The following SNTG1 variants were observed in gnomAD, a reference collection of about 807,000 sequenced individuals.
SNTG1 encodes gamma-1-syntrophin.
In SNTG1, 39 loss-of-function variants were observed where a neutral mutation model predicts 74.7. The ratio of observed to expected loss-of-function variants is 0.52; its 90% CI spans 0.40 to 0.68. SNTG1 has a LOEUF of 0.68. SNTG1 is among the 30% of genes least tolerant of loss of function. The pLI is 0.00. For missense variants in SNTG1, 685 were observed against 609.5 expected (o/e 1.12, Z -1.30); for synonymous variants, 254 against 217.1 (o/e 1.17, Z -1.49).
In SNTG1 at chr8:50,132,974, G is replaced by C. The variant is rs555276050; in HGVS notation, c.-102-39587G>C. Among the ~76,000 whole-genome samples the C allele has an allele frequency of 9.2e-5, 14 of 152,262 alleles. 1 individual carries two copies. The South Asian group carries it at 2.9e-3, about 32-fold the overall frequency. On this transcript the variant is annotated intron_variant, in intron 1 of 18. Coordinates refer to ENST00000642720, the MANE Select transcript of SNTG1 (RefSeq NM_018967.5). ...CCTGTCCAGTTTCATCCTTGACACC[G>C]TCTCCAGGACATAGTATCTTAGTAC... is the stretch of plus-strand genomic sequence containing the variant.
chr8:49,938,671 C>T (rs949748297), intron 1 of SNTG1, among the ~76,000 whole-genome samples: 1 of 138,744 alleles, frequency 7.2e-6, no homozygotes, highest in African/African-American at 2.7e-5. Context: ...TTCCTTCCTT[C>T]CTTCCTTCCC....
intron 1 of SNTG1, among the ~76,000 whole-genome samples, chr8:50,053,617 A>C (rs1819763812): frequency 1.4e-5 from 1 of 70,830 alleles, no homozygotes; most frequent in Non-Finnish European, 2.6e-5. Flanking sequence ...ATATAAATAT[A>C]TATAATTGTG....
At chr8:50,382,067 T>C (rs1459529334) in intron 2 of SNTG1, 1 of 151,700 alleles carries the variant, frequency 6.6e-6, no homozygotes. Flanking sequence ...CTCCTTTTTA[T>C]ATTCTAGCCA....
intron 1 of SNTG1, among the ~76,000 whole-genome samples, chr8:50,088,043 G>A (rs1285996183): frequency 6.1e-5 from 9 of 146,798 alleles, no homozygotes. Context: ...TTGGTTTTTT[G>A]TTCTTGTGAT....
intron 1 of SNTG1, among the ~76,000 whole-genome samples, chr8:49,998,067 C>CA (rs1814399058): frequency 6.6e-6 from 1 of 152,148 alleles, no homozygotes. Flanking sequence ...GCTACAAACC[C>CA]ATACAGCATG....
At chr8:50,047,235 A>C (rs1819168337) in intron 1 of SNTG1, among the ~76,000 whole-genome samples, 1 of 151,918 alleles carries the variant, frequency 6.6e-6, no homozygotes, top group African/African-American at 2.4e-5. Context: ...GCTGCTTGGG[A>C]GGCTGAGGTG....
intron 13 of SNTG1, among the ~76,000 whole-genome samples, chr8:50,647,723 A>T (rs2095119028): frequency 6.6e-6 from 1 of 152,192 alleles, no homozygotes; most frequent in South Asian, 2.1e-4. Context: ...ATGTTTTGTG[A>T]TAATGATACA....
At position 50,432,631 on chromosome 8, in the gene SNTG1, C is replaced by G. The variant is rs554891796; in HGVS notation, c.163-5912C>G. On this transcript the variant is annotated intron_variant, in intron 4 of 18. Coordinates refer to ENST00000642720, the MANE Select transcript of SNTG1 (RefSeq NM_018967.5). ...GAATGACATCTTAAAAATATTGAGTCTTTCAATTCATGAATACGGTTATCT... is the reference window on the plus strand; with the variant it reads ...GAATGACATCTTAAAAATATTGAGTGTTTCAATTCATGAATACGGTTATCT... 2.2e-4 allele frequency among the ~76,000 whole-genome samples: 33 copies of G among 152,136 alleles called. 2 individuals carry two copies. The South Asian group carries it at 6.8e-3, about 32-fold the overall frequency.
At chr8:50,279,511 T>C (rs1029092671) in intron 2 of SNTG1, among the ~76,000 whole-genome samples, 1 of 152,210 alleles carries the variant, frequency 6.6e-6, no homozygotes, top group Non-Finnish European at 1.5e-5. Context: ...AATCATTTTA[T>C]GAAATACATT....
intron 2 of SNTG1, among the ~76,000 whole-genome samples, chr8:50,363,455 G>T (rs17772011): frequency 0.049 from 7,453 of 152,166 alleles, 247 homozygotes; most frequent in Non-Finnish European, 0.071. Context: ...TCAGGCTTTT[G>T]CCTTTACAAT....
chr8:50,295,355 C>T (rs533533036), intron 2 of SNTG1, among the ~76,000 whole-genome samples: 9 of 152,280 alleles, frequency 5.9e-5, no homozygotes, highest in African/African-American at 1.9e-4. Flanking sequence ...ACTTCTATAT[C>T]TCTACTTATT....
At chr8:50,476,751 A>G (rs1197731823) in intron 8 of SNTG1, among the ~76,000 whole-genome samples, 1 of 152,100 alleles carries the variant, frequency 6.6e-6, no homozygotes, top group East Asian at 1.9e-4. Flanking sequence ...AAATGAGCAC[A>G]CCTAGTACCT....
At chr8:50,482,038 C>A (rs902136964) in intron 8 of SNTG1, among the ~76,000 whole-genome samples, 3 of 152,158 alleles carry the variant, frequency 2.0e-5, no homozygotes, top group African/African-American at 7.2e-5. Context: ...ACAGAATCAG[C>A]AGAGCTGTAG....
chr8:50,098,396 T>C (rs547134408), intron 1 of SNTG1, among the ~76,000 whole-genome samples: 2 of 152,326 alleles, frequency 1.3e-5, no homozygotes, highest in Admixed American at 6.5e-5. Flanking sequence ...ACTGAAGATA[T>C]ACTGACTTTT....
chr8:50,730,411 T>A (rs1416009348), intron 17 of SNTG1, among the ~76,000 whole-genome samples: 1 of 152,198 alleles, frequency 6.6e-6, no homozygotes, highest in African/African-American at 2.4e-5. Context: ...AAAAATTATT[T>A]CTGCTTTTAT....
chr8:50,381,711 AT>A (rs1365869888), intron 2 of SNTG1, among the ~76,000 whole-genome samples: 1 of 139,780 alleles, frequency 7.2e-6, no homozygotes, highest in East Asian at 2.0e-4. Flanking sequence ...TTATATATAT[AT>A]ATAGGATATA....
At chr8:50,631,034 A>C (rs1238688600) in intron 13 of SNTG1, among the ~76,000 whole-genome samples, 1 of 152,222 alleles carries the variant, frequency 6.6e-6, no homozygotes, top group Admixed American at 6.5e-5. Flanking sequence ...GGATAAACCT[A>C]GGAATTTAGT....
At chr8:49,987,716 T>C (rs1420927438) in intron 1 of SNTG1, among the ~76,000 whole-genome samples, 1 of 148,970 alleles carries the variant, frequency 6.7e-6, no homozygotes, top group Non-Finnish European at 1.5e-5. Flanking sequence ...TGGCGTGATC[T>C]CGGCTTACTG....
chr8:50,771,756 T>G (rs2095627756), intron 18 of SNTG1, among the ~76,000 whole-genome samples: 1 of 152,044 alleles, frequency 6.6e-6, no homozygotes, highest in Non-Finnish European at 1.5e-5. Flanking sequence ...AGAATGGTTT[T>G]GGGGGACAGG....
Sources: gnomAD v4.1 joint callset for allele counts (sites outside exome capture counted in the v4.1 genomes callset) on GRCh38, gnomAD v4.1.1 for gene constraint, MANE v1.5 for transcripts, NCBI Gene and HGNC (gene_info 2026-07-23, HGNC 2026-07-21) for gene names.